The following CNPY1 variants were observed in gnomAD, a reference collection of about 807,000 sequenced individuals.
CNPY1 encodes protein canopy homolog 1.
A neutral mutation model predicts 14.4 loss-of-function variants in CNPY1; 14 were observed. That is an observed-to-expected ratio of 0.97 (90% CI 0.64 to 1.52). The LOEUF is 1.52. Among genes scored for constraint, CNPY1 ranks in the 40% most tolerant of loss-of-function variants. The probability of loss-of-function intolerance (pLI) is 0.00; values close to 1 mark genes in which losing one functional copy is unlikely to be tolerated. For missense variants in CNPY1, 129 were observed against 131.5 expected, an observed-to-expected ratio of 0.98 and a Z score of 0.09; for synonymous variants, 43 against 46.5, an observed-to-expected ratio of 0.92 and a Z score of 0.31.
At chr7:155,513,451 A>G (rs1456184570) in intron 2 of CNPY1, among the ~76,000 whole-genome samples, 1 of 152,208 alleles carries the variant, frequency 6.6e-6, no homozygotes, top group Non-Finnish European at 1.5e-5. Flanking sequence ...AGTACAATTT[A>G]CCACAAATAA....
chr7:155,524,636 T>C (rs138856447), intron 2 of CNPY1, among the ~76,000 whole-genome samples: 1 of 152,346 alleles, frequency 6.6e-6, no homozygotes, highest in East Asian at 1.9e-4. Flanking sequence ...TGGGACCAAC[T>C]AATTGTAGGA....
chr7:155,521,094 G>A lies in CNPY1; in HGVS notation c.100-11997C>T, dbSNP rs950780439. Among the ~76,000 whole-genome samples the A allele has an allele frequency of 3.6e-4, 54 of 152,002 alleles. 1 individual carries two copies. Among genetic ancestry groups the A allele is most frequent in the African/African-American group, 1.2e-3 (50 of 41,450 alleles). Reference sequence around the variant, plus strand: ...AGGAAGGAAGCAAGGAAGGAAGGAAGGAAGGAAGGAAGGCTGGCTCCCCTC... The same window carrying A: ...AGGAAGGAAGCAAGGAAGGAAGGAAAGAAGGAAGGAAGGCTGGCTCCCCTC... On this transcript the variant is annotated intron_variant, in intron 2 of 4. Coordinates refer to ENST00000636446, the MANE Select transcript of CNPY1 (RefSeq NM_001393663.1).
intron 2 of CNPY1, among the ~76,000 whole-genome samples, chr7:155,532,722 C>A (rs1407405408): frequency 6.6e-6 from 1 of 152,106 alleles, no homozygotes; most frequent in Non-Finnish European, 1.5e-5. Context: ...TCAATCAAAT[C>A]CAACTGAAAA....
At chr7:155,534,018 C>A in intron 2 of CNPY1, among the ~76,000 whole-genome samples, 1 of 152,084 alleles carries the variant, frequency 6.6e-6, no homozygotes, top group Admixed American at 6.5e-5. Context: ...ACTGGAAGCC[C>A]GGGGGGAAAG....
intron 2 of CNPY1, among the ~76,000 whole-genome samples, chr7:155,514,799 C>T (rs1031973352): frequency 1.3e-5 from 2 of 152,034 alleles, no homozygotes; most frequent in South Asian, 2.1e-4. Flanking sequence ...GAGGCTAAGG[C>T]GGGAGAATCG....
chr7:155,539,272 A>T (rs1797057925), intron 2 of CNPY1, among the ~76,000 whole-genome samples: 4 of 152,244 alleles, frequency 2.6e-5, no homozygotes, highest in Admixed American at 2.0e-4. Flanking sequence ...CATCTGCTAT[A>T]GTGGCTTCCA....
chr7:155,525,510 C>G (rs1397490959), intron 2 of CNPY1, among the ~76,000 whole-genome samples: 1 of 152,196 alleles, frequency 6.6e-6, no homozygotes, highest in African/African-American at 2.4e-5. Flanking sequence ...ATGTTTCCCC[C>G]TCTTAAACAG....
chr7:155,507,259 A>C, intron 3 of CNPY1, 143 bp from the exon 4 acceptor site: 1 of 638,516 alleles, frequency 1.6e-6, no homozygotes, highest in Non-Finnish European at 2.8e-6. Context: ...CTTTTGGTTT[A>C]ATACATCATT....
intron 2 of CNPY1, among the ~76,000 whole-genome samples, chr7:155,541,490 G>A (rs1384223047): frequency 1.3e-5 from 2 of 152,194 alleles, no homozygotes; most frequent in African/African-American, 2.4e-5. Flanking sequence ...TGAGAATGAT[G>A]TTGATTACAA....
At chr7:155,503,473 C>T (rs890080089) in intron 4 of CNPY1, among the ~76,000 whole-genome samples, 4 of 151,988 alleles carry the variant, frequency 2.6e-5, no homozygotes, top group African/African-American at 4.8e-5. Flanking sequence ...ACCCAAGGAC[C>T]ACAGAAGCAA....
rs145164069 is a variant in CNPY1 at position 155,506,898 on chromosome 7, C to T, written c.400+122G>A. ...TTCTGATTCAGCGGAGACGGGGGAT[C>T]CTGTGTCAGAGCCGTGGATCGCAGA... is the stretch of plus-strand genomic sequence containing the variant. On this transcript the variant is annotated intron_variant, in intron 4 of 4. Transcript: ENST00000636446. 4,600 of 625,684 alleles carry T rather than the reference C, an allele frequency of 7.4e-3. 39 individuals are homozygous for T. Among genetic ancestry groups the T allele is most frequent in the Middle Eastern group, 0.025 (75 of 2,968 alleles). The allele number at this position is 625,684 out of a possible 1,614,324, so 38.8% of individuals were successfully genotyped here. A position where few individuals can be genotyped will look rare whatever the true frequency, so the allele number is the denominator to read the frequency against.
chr7:155,527,749 G>C (rs1193194066), intron 2 of CNPY1, among the ~76,000 whole-genome samples: 1 of 152,058 alleles, frequency 6.6e-6, no homozygotes, highest in East Asian at 1.9e-4. Flanking sequence ...ACGGCAGCTG[G>C]CCTTAACATT....
At chr7:155,523,392 G>C (rs1263931139) in intron 2 of CNPY1, among the ~76,000 whole-genome samples, 1 of 152,190 alleles carries the variant, frequency 6.6e-6, no homozygotes, top group Non-Finnish European at 1.5e-5. Flanking sequence ...GGGCTGCAAA[G>C]GTCAATGTTA....
intron 2 of CNPY1, among the ~76,000 whole-genome samples, chr7:155,525,388 C>T (rs2116725582): frequency 6.6e-6 from 1 of 152,324 alleles, no homozygotes; most frequent in Middle Eastern, 3.4e-3. Flanking sequence ...AGGCTGGTCT[C>T]AAACTCCTGA....
intron 2 of CNPY1, among the ~76,000 whole-genome samples, chr7:155,527,030 T>TTTTCTCTTTCTTTCTTTCTTTC (rs1554449563): frequency 7.2e-5 from 6 of 83,272 alleles, no homozygotes; most frequent in African/African-American, 1.0e-4. Flanking sequence ...TTCTTTTCTT[T>TTTTCTCTTTCTTTCTTTCTTTC]TTTCTTTCTT....
At chr7:155,522,328 G>C (rs1339663311) in intron 2 of CNPY1, among the ~76,000 whole-genome samples, 1 of 152,260 alleles carries the variant, frequency 6.6e-6, no homozygotes, top group Non-Finnish European at 1.5e-5. Context: ...GGGTGTGACT[G>C]TCACGCCAGG....
intron 2 of CNPY1, among the ~76,000 whole-genome samples, chr7:155,522,068 C>T (rs964257889): frequency 3.3e-5 from 5 of 152,232 alleles, no homozygotes; most frequent in South Asian, 4.1e-4. Flanking sequence ...CGTGCACACA[C>T]GTGCCCACAT....
intron 1 of CNPY1, 105 bp downstream of exon 1, chr7:155,546,324 T>C (rs1797156111): frequency 5.1e-6 from 2 of 393,070 alleles, no homozygotes; most frequent in African/African-American, 2.1e-5. Flanking sequence ...TAGCTTGGAC[T>C]ACAGGCATAC....
At chr7:155,521,107 G>C (rs982094087) in intron 2 of CNPY1, among the ~76,000 whole-genome samples, 1 of 146,832 alleles carries the variant, frequency 6.8e-6, no homozygotes, top group African/African-American at 2.4e-5. Flanking sequence ...AGGAAGGAAG[G>C]CTGGCTCCCC....
Sources: allele counts gnomAD v4.1 joint callset (sites outside exome capture counted in the v4.1 genomes callset), GRCh38; gene constraint gnomAD v4.1.1; transcripts MANE v1.5; gene names NCBI Gene and HGNC (gene_info 2026-07-23, HGNC 2026-07-21).